Variants in ATP11B observed in about 807,000 individuals in gnomAD.
The protein encoded by ATP11B is phospholipid-transporting ATPase IF.
A neutral mutation model predicts 157.8 loss-of-function variants in ATP11B; 81 were observed. That is an observed-to-expected ratio of 0.51 (90% confidence interval 0.43 to 0.62). The LOEUF (loss-of-function observed/expected upper bound fraction) is 0.62. ATP11B is among the 20% of genes least tolerant of loss of function. ATP11B has a pLI of 0.00. For synonymous variants in ATP11B, 451 were observed against 469.4 expected, an observed-to-expected ratio of 0.96 and a Z score of 0.51; for missense variants, 1,165 against 1,402.2, an observed-to-expected ratio of 0.83 and a Z score of 2.70.
chr3:182,874,601 C>T (rs1310387401), intron 19 of ATP11B, among the ~76,000 whole-genome samples: 4 of 152,038 alleles, frequency 2.6e-5, no homozygotes, highest in Non-Finnish European at 5.9e-5. Context: ...GCTGTGCTAC[C>T]TGTTTGAAAA....
At chr3:182,884,960 A>G in intron 22 of ATP11B, 62 bp downstream of exon 22, 3 of 982,838 alleles carry the variant, frequency 3.1e-6, no homozygotes, top group Non-Finnish European at 4.4e-6. Flanking sequence ...AATTTAAGGA[A>G]TGTTATAACC....
chr3:182,857,139 T>C (rs1720464411), intron 10 of ATP11B, among the ~76,000 whole-genome samples: 1 of 152,040 alleles, frequency 6.6e-6, no homozygotes, highest in African/African-American at 2.4e-5. Context: ...CTTTACAGGG[T>C]TTTTGTTTGT....
rs1460345309 is a variant in ATP11B at position 182,828,298 on chromosome 3, C to T, written c.234+89C>T. The T allele has an allele frequency of 8.0e-6, 5 of 624,552 alleles. No individual in the cohort carries two copies. In the Admixed American group the frequency reaches 1.3e-4, roughly 16 times the overall value. The allele number at this position is 624,552 out of a possible 1,614,324, so 38.7% of individuals were successfully genotyped here. On this transcript the variant is annotated intron_variant, in intron 3 of 29. Coordinates refer to ENST00000323116, the MANE Select transcript of ATP11B (RefSeq NM_014616.3). ...AGAAAAATTACATTGTGTTGCTAAT[C>T]ATTTGACCATGTGACCATTTTTTCT...
rs183647165 is a variant in ATP11B at position 182,830,997 on chromosome 3, C to A, written c.315+1245C>A. On this transcript the variant is annotated intron_variant, in intron 4 of 29. Coordinates refer to ENST00000323116, the MANE Select transcript of ATP11B (RefSeq NM_014616.3). ...CCTTTGGACCTCGTTTCTATATATA[C>A]TTTCACCTTAGGTAATTTCATCCCA... Among the ~76,000 whole-genome samples, 13 of 152,270 alleles carry A rather than the reference C, an allele frequency of 8.5e-5. No individual in the cohort carries two copies. The East Asian group carries it at 2.5e-3, about 29-fold the overall frequency.
intron 25 of ATP11B, among the ~76,000 whole-genome samples, chr3:182,890,092 C>T (rs1723075460): frequency 2.0e-5 from 3 of 152,130 alleles, no homozygotes; most frequent in Non-Finnish European, 4.4e-5. Context: ...TTAATTTGGC[C>T]ACTTTTCCGA....
At chr3:182,885,096 A>G (rs1019335522) in intron 22 of ATP11B, among the ~76,000 whole-genome samples, 198 bp downstream of exon 22, 15 of 152,146 alleles carry the variant, frequency 9.9e-5, no homozygotes, top group African/African-American at 3.1e-4. Flanking sequence ...TGCAAATTAG[A>G]ACATAGTACA....
intron 1 of ATP11B, among the ~76,000 whole-genome samples, chr3:182,818,166 A>T (rs1185903409): frequency 6.6e-6 from 1 of 152,206 alleles, no homozygotes; most frequent in African/African-American, 2.4e-5. Flanking sequence ...GGGAGATGTT[A>T]ACATGTTTGT....
At chr3:182,806,708 C>G (rs2108487529) in intron 1 of ATP11B, among the ~76,000 whole-genome samples, 1 of 152,274 alleles carries the variant, frequency 6.6e-6, no homozygotes. Context: ...TCTGCTCTTT[C>G]TGCATATGTG....
chr3:182,898,823 AT>A lies in ATP11B; in HGVS notation c.3318+52del, dbSNP rs764412288. On this transcript the variant is annotated intron_variant, in intron 28 of 29. Coordinates refer to ENST00000323116, the MANE Select transcript of ATP11B (RefSeq NM_014616.3). ...ATATCTTTTTAGTTAGGGATCTTTA[AT>A]AATGAATAGCTGTCATTATAATTTG... The A allele has an allele frequency of 9.9e-6, 12 of 1,206,348 alleles. No individual in the cohort carries two copies. The African/African-American group carries it at 1.9e-4, about 19-fold the overall frequency. 74.7% of individuals were successfully genotyped at this position (1,206,348 alleles called of 1,614,324 possible). A position where few individuals can be genotyped will look rare whatever the true frequency, so the allele number is the denominator to read the frequency against.
At chr3:182,905,785 TC>T (rs1560128956) in intron 28 of ATP11B, 1 of 456,766 alleles carries the variant, frequency 2.2e-6, no homozygotes. Flanking sequence ...TGCTTTTCTG[TC>T]CTTCCAGATG....
chr3:182,856,123 A>G (rs1335361008), intron 10 of ATP11B, among the ~76,000 whole-genome samples: 1 of 152,216 alleles, frequency 6.6e-6, no homozygotes, highest in Non-Finnish European at 1.5e-5. Flanking sequence ...AAAACTGGAA[A>G]CAGCCTAATG....
At chr3:182,848,020 C>G (rs1000258058) in intron 9 of ATP11B, among the ~76,000 whole-genome samples, 3 of 152,164 alleles carry the variant, frequency 2.0e-5, no homozygotes, top group African/African-American at 7.2e-5. Context: ...GTTATCTCTC[C>G]AATGGTTATG....
chr3:182,867,741 G>A (rs1721357258), intron 15 of ATP11B, among the ~76,000 whole-genome samples: 1 of 151,982 alleles, frequency 6.6e-6, no homozygotes, highest in South Asian at 2.1e-4. Context: ...GCGCCACTAT[G>A]CCTGGCTAAT....
chr3:182,799,125 AAGAGACT>A (rs1396109291), intron 1 of ATP11B, among the ~76,000 whole-genome samples: 1 of 152,246 alleles, frequency 6.6e-6, no homozygotes, highest in Non-Finnish European at 1.5e-5. Context: ...CATTATATCT[AAGAGACT>A]AGAAGCTGCC....
intron 7 of ATP11B, among the ~76,000 whole-genome samples, chr3:182,838,425 T>A (rs1173889328): frequency 6.6e-6 from 1 of 152,112 alleles, no homozygotes; most frequent in African/African-American, 2.4e-5. Context: ...GTATGGTTTT[T>A]ACATTATCTT....
In ATP11B at chr3:182,897,394, G is replaced by T; in HGVS notation, c.3140G>T (p.Gly1047Val). The change falls in exon 27 of 30, where the codon GGA becomes GTA. Residue 1047 changes from glycine to valine, a missense_variant. This residue lies in a region of ATP11B where 303 missense variants were observed against 296.3 expected (regional missense o/e 1.02). Transcript: ENST00000323116. ...TATTTTGTATTTTCCTTGTTTTATGGAGGGATTCTCTGGTGAGTGAATATA... is the reference window on the plus strand; with the variant it reads ...TATTTTGTATTTTCCTTGTTTTATGTAGGGATTCTCTGGTGAGTGAATATA... ...IFYFVFSLFY[G>V]GILWPFLGSQ... is the part of the protein sequence containing the mutation. 1 of 1,571,054 alleles carries T rather than the reference G, an allele frequency of 6.4e-7. No individual in the cohort carries two copies. Among genetic ancestry groups the T allele is most frequent in the South Asian group, 1.2e-5 (1 of 84,300 alleles).
At chr3:182,839,402 AC>A (rs886862618) in intron 7 of ATP11B, among the ~76,000 whole-genome samples, 1 of 152,092 alleles carries the variant, frequency 6.6e-6, no homozygotes, top group African/African-American at 2.4e-5. Context: ...TATATAACAA[AC>A]CTGCACATGT....
At chr3:182,878,721 G>A (rs183723190) in intron 19 of ATP11B, among the ~76,000 whole-genome samples, 100 of 152,206 alleles carry the variant, frequency 6.6e-4, no homozygotes, top group Admixed American at 6.3e-3. Flanking sequence ...ATCCATCATC[G>A]GTTTCCTATT....
At chr3:182,880,812 A>T in intron 20 of ATP11B, 67 bp from the exon 21 acceptor site, 1 of 932,850 alleles carries the variant, frequency 1.1e-6, no homozygotes, top group Non-Finnish European at 1.6e-6. Flanking sequence ...CATTTCAGAT[A>T]AATGACTATA....
Sources: allele counts gnomAD v4.1 joint callset (sites outside exome capture counted in the v4.1 genomes callset), GRCh38; gene constraint gnomAD v4.1.1; regional missense constraint gnomAD v4.1.1; transcripts MANE v1.5; gene names NCBI Gene and HGNC (gene_info 2026-07-23, HGNC 2026-07-21).